Variants in ATM observed in about 807,000 individuals in gnomAD.
The protein encoded by ATM is ATM serine/threonine kinase.
In ATM, 308 loss-of-function variants were observed where a neutral mutation model predicts 387.0. The observed-to-expected ratio is 0.80, with a 90% CI of 0.73 to 0.87. The LOEUF (loss-of-function observed/expected upper bound fraction) is 0.87, where lower values mean the gene tolerates loss of function less well. Ranked by LOEUF, ATM falls within the 40% of genes least tolerant of loss-of-function variation. The pLI, the probability that ATM is intolerant of heterozygous loss-of-function variation, is 0.00. For missense variants in ATM, 3,312 were observed against 3,560.9 expected (o/e 0.93, Z 1.78); for synonymous variants, 1,156 against 1,187.3 (o/e 0.97, Z 0.54).
intron 5 of ATM, among the ~76,000 whole-genome samples, chr11:108,241,712 C>CTCTT (rs1345560720): frequency 3.8e-4 from 49 of 129,698 alleles, no homozygotes; most frequent in African/African-American, 1.3e-3. Context: ...CCATGTCTTT[C>CTCTT]TCTTTCTTTC....
rs759779781 is a variant in ATM, at chr11:108,335,024, A to G, written c.8066A>G (p.Glu2689Gly). The G allele has an allele frequency of 5.0e-6, 8 of 1,614,006 alleles. No homozygotes were observed. The highest frequency in any genetic ancestry group is 6.8e-6 in the Non-Finnish European group (8 of 1,179,886). The change falls in exon 55 of 63, where the codon GAA (glutamate) becomes GGA (glycine). Residue 2689 changes from glutamate (E) to glycine (G), a missense_variant. Glu to Gly is a moderately conservative substitution (Grantham distance 98). Around this residue, in one of 4 missense-constraint regions of ATM, gnomAD observed 1,405 missense variants for 1,604.4 expected, o/e 0.88. Transcript: ENST00000675843. ...GTGACTATACAGTCATTTAAAGCAG[A>G]ATTTCGCTTAGCAGGAGGTGTAAAT... ...NLVTIQSFKA[E>G]FRLAGGVNLP...
At chr11:108,245,869 G>T (rs2079824919) in intron 7 of ATM, among the ~76,000 whole-genome samples, 1 of 143,964 alleles carries the variant, frequency 6.9e-6, no homozygotes, top group Admixed American at 7.2e-5. Flanking sequence ...CTGTCGCCCA[G>T]GCTGAAGTGC....
chr11:108,338,681 G>T (rs7927843), intron 56 of ATM, among the ~76,000 whole-genome samples: 1 of 151,856 alleles, frequency 6.6e-6, no homozygotes, highest in Admixed American at 6.6e-5. Flanking sequence ...GGGTTGGGGG[G>T]TAACCCAGAT....
intron 56 of ATM, among the ~76,000 whole-genome samples, chr11:108,341,350 C>T (rs1464955051): frequency 1.3e-5 from 2 of 152,088 alleles, no homozygotes; most frequent in Non-Finnish European, 2.9e-5. Flanking sequence ...CCCACTTTCT[C>T]TCTTTTTTAA....
At chr11:108,229,619 A>C (rs2078913713) in intron 4 of ATM, 1 of 275,934 alleles carries the variant, frequency 3.6e-6, no homozygotes. Context: ...TTTTAATATT[A>C]CAAGTTCAAA....
chr11:108,336,103 C>T, intron 56 of ATM, 142 bp downstream of exon 56: 1 of 654,296 alleles, frequency 1.5e-6, no homozygotes, highest in Non-Finnish European at 2.7e-6. Context: ...TCGAGACCAG[C>T]CTCAGCAACA....
intron 53 of ATM, among the ~76,000 whole-genome samples, 181 bp from the exon 54 acceptor site, chr11:108,333,705 A>T (rs534603259): frequency 6.6e-6 from 1 of 152,284 alleles, no homozygotes; most frequent in East Asian, 1.9e-4. Context: ...TACATTAACC[A>T]CTGTTGAGCT....
intron 7 of ATM, among the ~76,000 whole-genome samples, chr11:108,246,071 G>C (rs953102345): frequency 6.6e-6 from 1 of 151,796 alleles, no homozygotes; most frequent in Non-Finnish European, 1.5e-5. Flanking sequence ...CCATCCACCC[G>C]CCTCAGCCTC....
At chr11:108,245,051 T>C in intron 7 of ATM, 25 bp downstream of exon 7, 1 of 1,555,944 alleles carries the variant, frequency 6.4e-7, no homozygotes, top group Non-Finnish European at 8.8e-7. Context: ...TTTACTGTTT[T>C]GAATTTGCTT....
intron 28 of ATM, 91 bp downstream of exon 28, chr11:108,289,194 C>G (rs887195706): frequency 1.5e-5 from 19 of 1,299,388 alleles, no homozygotes; most frequent in Non-Finnish European, 2.0e-5. Flanking sequence ...GAAAAGTAAA[C>G]AAATGAAAAA....
At chr11:108,325,993 TTA>T in intron 46 of ATM, 63 bp from the exon 47 acceptor site, 2 of 1,562,288 alleles carry the variant, frequency 1.3e-6, no homozygotes, top group Admixed American at 1.7e-5. Flanking sequence ...TTCATTATTA[TTA>T]TTATTCATGG....
intron 55 of ATM, chr11:108,335,379 T>C (rs1323156635): frequency 4.0e-6 from 4 of 1,008,058 alleles, no homozygotes; most frequent in Non-Finnish European, 5.5e-6. Flanking sequence ...TTGCTTCTTA[T>C]GAAAAAAAAT....
intron 7 of ATM, 100 bp from the exon 8 acceptor site, chr11:108,246,864 C>T: frequency 1.0e-6 from 1 of 960,458 alleles, no homozygotes; most frequent in Non-Finnish European, 1.6e-6. Context: ...CAGGTGTCTT[C>T]TAACGCTGAT....
At chr11:108,317,776 A>C (rs1327223810) in intron 43 of ATM, among the ~76,000 whole-genome samples, 1 of 151,128 alleles carries the variant, frequency 6.6e-6, no homozygotes, top group African/African-American at 2.4e-5. Flanking sequence ...TAAATCCTTC[A>C]GTAAGATAGC....
intron 42 of ATM, among the ~76,000 whole-genome samples, chr11:108,316,680 C>T (rs751166253): frequency 3.5e-4 from 52 of 147,324 alleles, no homozygotes; most frequent in African/African-American, 1.1e-3. Flanking sequence ...GAGGCCGAGG[C>T]GAGCAGATCA....
chr11:108,262,422 C>A (rs2080954300), intron 16 of ATM, among the ~76,000 whole-genome samples: 1 of 152,176 alleles, frequency 6.6e-6, no homozygotes, highest in Admixed American at 6.5e-5. Flanking sequence ...ACTTTACAGA[C>A]AAGCAAATGC....
chr11:108,312,888 C>T (rs1314007121), intron 40 of ATM, among the ~76,000 whole-genome samples: 3 of 152,128 alleles, frequency 2.0e-5, no homozygotes, highest in African/African-American at 7.2e-5. Flanking sequence ...TTCTTGATAT[C>T]CATTCTTAAA....
chr11:108,347,394 T>C, intron 59 of ATM, 29 bp downstream of exon 59: 1 of 1,501,392 alleles, frequency 6.7e-7, no homozygotes, highest in Non-Finnish European at 9.3e-7. Flanking sequence ...GTATCTATTC[T>C]TTTTAGTAAA....
chr11:108,292,217 T>C (rs2082833374), intron 29 of ATM, among the ~76,000 whole-genome samples: 1 of 152,222 alleles, frequency 6.6e-6, no homozygotes, highest in Admixed American at 6.5e-5. Flanking sequence ...ACCGAGGATA[T>C]AGGCCACTGC....
Sources: gnomAD v4.1 joint callset for allele counts (sites outside exome capture counted in the v4.1 genomes callset) on GRCh38, gnomAD v4.1.1 for gene constraint, gnomAD v4.1.1 regional missense constraint, MANE v1.5 for transcripts, NCBI Gene and HGNC (gene_info 2026-07-23, HGNC 2026-07-21) for gene names.